The following ALCAM variants were observed in gnomAD, a reference collection of about 807,000 sequenced individuals.
ALCAM encodes the protein CD166 antigen.
ALCAM carries 30 observed loss-of-function variants against 70.9 expected under a neutral mutation model. That is an observed-to-expected ratio of 0.42 (90% CI 0.32 to 0.57). The LOEUF (loss-of-function observed/expected upper bound fraction) is 0.57. Among genes scored for constraint, ALCAM ranks in the 20% least tolerant of loss-of-function variants. The probability of loss-of-function intolerance (pLI) is 0.11; values close to 1 mark genes in which losing one functional copy is unlikely to be tolerated. For missense variants in ALCAM, 591 were observed against 695.1 expected, an observed-to-expected ratio of 0.85 and a Z score of 1.68; for synonymous variants, 249 against 242.5, an observed-to-expected ratio of 1.03 and a Z score of -0.25.
chr3:105,545,229 AT>A lies in ALCAM; in HGVS notation c.1001del (p.Leu334CysfsTer3). 6.2e-7 allele frequency: 1 copy of A among 1,602,966 alleles called. No individual in the cohort carries two copies. Among genetic ancestry groups the A allele is most frequent in the Non-Finnish European group, 8.5e-7 (1 of 1,170,882 alleles). On this transcript the variant is annotated frameshift_variant, in exon 9 of 16. Transcript: ENST00000306107. LOFTEE classifies it high-confidence loss of function. ...ASTAITVHYLDLSLNPSGEVT... is the reference protein window; with the variant it reads ...ASTAITVHYLXLSLNPSGEVT... ...CAGATTTTCTGCTTCACAGATTTGG[AT>A]TTGTCCTTAAACCCAAGTGGAGAAG...
intron 1 of ALCAM, among the ~76,000 whole-genome samples, chr3:105,493,047 T>C (rs1345944284): frequency 6.6e-6 from 1 of 152,218 alleles, no homozygotes; most frequent in African/African-American, 2.4e-5. Context: ...AATTTCAACT[T>C]ATATGTAAAT....
intron 1 of ALCAM, among the ~76,000 whole-genome samples, chr3:105,494,666 CTTTT>C (rs138944739): frequency 6.6e-6 from 1 of 150,798 alleles, no homozygotes; most frequent in Non-Finnish European, 1.5e-5. Flanking sequence ...TTCCTTCCTT[CTTTT>C]TTTTCTAGGG....
intron 1 of ALCAM, among the ~76,000 whole-genome samples, chr3:105,388,053 G>A (rs972440346): frequency 6.6e-6 from 1 of 151,266 alleles, no homozygotes; most frequent in Non-Finnish European, 1.5e-5. Context: ...TTGAGACATA[G>A]GAATAAAAAT....
rs371987714 is a variant in ALCAM, at chr3:105,389,371, GTTTTTTTT to G, written c.73+21910_73+21917del. Among the ~76,000 whole-genome samples, 44 of 58,190 alleles carry G rather than the reference GTTTTTTTT, an allele frequency of 7.6e-4. 1 individual carries two copies. The highest frequency in any genetic ancestry group is 1.8e-3 in the African/African-American group (27 of 15,304). 38.2% of individuals were successfully genotyped at this position (58,190 alleles called of 152,430 possible). A position where few individuals can be genotyped will look rare whatever the true frequency, so the allele number is the denominator to read the frequency against. ...CTACTTGTATGCTCATATATACATA[GTTTTTTTT>G]TTTTTTTTTTTTTTTTTTTCTAAAA... On this transcript the variant is annotated intron_variant, in intron 1 of 15. Coordinates refer to ENST00000306107, the MANE Select transcript of ALCAM (RefSeq NM_001627.4).
chr3:105,465,237 C>T (rs1937681625), intron 1 of ALCAM, among the ~76,000 whole-genome samples: 1 of 151,426 alleles, frequency 6.6e-6, no homozygotes, highest in African/African-American at 2.4e-5. Context: ...AGAGTAAAAA[C>T]ATCTTTTCTG....
chr3:105,440,523 T>C (rs1233546326), intron 1 of ALCAM, among the ~76,000 whole-genome samples: 3 of 152,192 alleles, frequency 2.0e-5, no homozygotes, highest in African/African-American at 7.2e-5. Flanking sequence ...GTATCTCCTC[T>C]TTGTCTCTGA....
At chr3:105,555,330 A>G (rs1011471521) in intron 14 of ALCAM, among the ~76,000 whole-genome samples, 2 of 152,058 alleles carry the variant, frequency 1.3e-5, no homozygotes, top group African/African-American at 4.8e-5. Context: ...CATCTGAAGC[A>G]TCAAGGCTTT....
intron 1 of ALCAM, among the ~76,000 whole-genome samples, chr3:105,392,640 G>A (rs1576129948): frequency 6.6e-6 from 1 of 151,348 alleles, no homozygotes; most frequent in East Asian, 1.9e-4. Context: ...TGTTTGCTTT[G>A]GGTTCTCCAA....
chr3:105,404,279 T>C (rs887812233), intron 1 of ALCAM, among the ~76,000 whole-genome samples: 15 of 152,044 alleles, frequency 9.9e-5, no homozygotes, highest in African/African-American at 3.6e-4. Flanking sequence ...TGACTAGGCA[T>C]GTAGTCATCG....
chr3:105,437,036 A>G (rs971931620), intron 1 of ALCAM, among the ~76,000 whole-genome samples: 1 of 152,244 alleles, frequency 6.6e-6, no homozygotes, highest in Non-Finnish European at 1.5e-5. Flanking sequence ...GATGTGAACA[A>G]AACAGACAAA....
chr3:105,538,096 T>C, intron 6 of ALCAM, among the ~76,000 whole-genome samples: 1 of 152,128 alleles, frequency 6.6e-6, no homozygotes, highest in Non-Finnish European at 1.5e-5. Flanking sequence ...ATCATTGTAA[T>C]ATTCAAAGCG....
intron 1 of ALCAM, among the ~76,000 whole-genome samples, chr3:105,511,770 T>G (rs2152620045): frequency 6.6e-6 from 1 of 152,126 alleles, no homozygotes; most frequent in East Asian, 1.9e-4. Flanking sequence ...TTTCAACTGA[T>G]ATAAACATTT....
intron 1 of ALCAM, among the ~76,000 whole-genome samples, chr3:105,445,113 A>C (rs558341528): frequency 2.6e-5 from 4 of 152,336 alleles, no homozygotes; most frequent in African/African-American, 9.6e-5. Flanking sequence ...TATTGAAGAA[A>C]TAAAATTAAT....
At chr3:105,443,547 CTG>C (rs1937226480) in intron 1 of ALCAM, among the ~76,000 whole-genome samples, 2 of 152,060 alleles carry the variant, frequency 1.3e-5, no homozygotes, top group South Asian at 4.1e-4. Context: ...AAAAGTATAA[CTG>C]GAGTTTTTCT....
intron 14 of ALCAM, among the ~76,000 whole-genome samples, chr3:105,556,714 C>A (rs1048870004): frequency 5.3e-5 from 8 of 151,814 alleles, no homozygotes; most frequent in Admixed American, 2.0e-4. Context: ...ATATGGAACA[C>A]GATCTTGCAA....
intron 1 of ALCAM, among the ~76,000 whole-genome samples, chr3:105,375,538 A>G (rs1935352552): frequency 6.6e-6 from 1 of 152,202 alleles, no homozygotes; most frequent in African/African-American, 2.4e-5. Flanking sequence ...TGTGGATATG[A>G]AACATTGAGG....
chr3:105,535,348 T>C (rs1220299674), intron 6 of ALCAM, among the ~76,000 whole-genome samples: 1 of 152,166 alleles, frequency 6.6e-6, no homozygotes, highest in Non-Finnish European at 1.5e-5. Context: ...ATTATTTTAG[T>C]TAGTAAAGTG....
At chr3:105,545,834 G>C (rs1281576485) in intron 9 of ALCAM, among the ~76,000 whole-genome samples, 1 of 151,408 alleles carries the variant, frequency 6.6e-6, no homozygotes, top group Non-Finnish European at 1.5e-5. Flanking sequence ...ACTATGCTTT[G>C]ATAAGACACC....
At position 105,430,055 on chromosome 3, in the gene ALCAM, T is replaced by A. The variant is rs189940341; in HGVS notation, c.73+62574T>A. The stretch of plus-strand genomic sequence containing the variant: ...GTAGAGCAATGTATGATAATTTTAA[T>A]AAACACACAATATATCAACACATTT... On this transcript the variant is annotated intron_variant, in intron 1 of 15. Transcript: ENST00000306107. Among the ~76,000 whole-genome samples the A allele has an allele frequency of 2.8e-4, 42 of 152,112 alleles. 1 individual carries two copies. The East Asian group carries it at 4.8e-3, about 18-fold the overall frequency.
Sources: gnomAD v4.1 joint callset for allele counts (sites outside exome capture counted in the v4.1 genomes callset) on GRCh38, gnomAD v4.1.1 for gene constraint, MANE v1.5 for transcripts, NCBI Gene and HGNC (gene_info 2026-07-23, HGNC 2026-07-21) for gene names.